Variants in YWHAE observed in about 807,000 individuals in gnomAD.
The protein encoded by YWHAE is 14-3-3 protein epsilon.
Under a neutral mutation model 30.1 loss-of-function variants are expected in YWHAE, and 4 were observed. That is an observed-to-expected ratio of 0.13 (90% CI 0.07 to 0.30). The LOEUF (loss-of-function observed/expected upper bound fraction) is 0.30, where lower values mean the gene tolerates loss of function less well. YWHAE is among the 10% of genes least tolerant of loss of function. The pLI, the probability that YWHAE is intolerant of heterozygous loss-of-function variation, is 1.00. For synonymous variants in YWHAE, 118 were observed against 111.8 expected (o/e 1.06, Z -0.35); for missense variants, 121 against 315.9 (o/e 0.38, Z 4.68).
At chr17:1,354,502 A>T (rs1170770173) in intron 4 of YWHAE, among the ~76,000 whole-genome samples, 155 bp from the exon 5 acceptor site, 1 of 152,190 alleles carries the variant, frequency 6.6e-6, no homozygotes, top group Non-Finnish European at 1.5e-5. Context: ...AATTAACTTA[A>T]AGGTATGTGG....
chr17:1,361,306 A>G lies in YWHAE; in HGVS notation c.372-8T>C. 1 of 1,536,990 alleles carries G rather than the reference A, an allele frequency of 6.5e-7. No individual in the cohort carries two copies. The highest frequency in any genetic ancestry group is 8.7e-7 in the Non-Finnish European group (1 of 1,154,902). On this transcript the variant is annotated splice_polypyrimidine_tract_variant and splice_region_variant and intron_variant, in intron 3 of 5. Coordinates refer to ENST00000264335, the MANE Select transcript of YWHAE (RefSeq NM_006761.5). ...CTGTGGTAGTCCCCTTTCCTAAAAC[A>G]AAACCAAAATTAAAAAAAAAAAAAA... is the stretch of plus-strand genomic sequence containing the variant.
Position 1,353,150 on chromosome 17 carries a change from A to G in YWHAE, c.715+1061T>C, listed in dbSNP as rs1351531505. Among the ~76,000 whole-genome samples, 158 of 152,208 alleles carry G rather than the reference A, an allele frequency of 1.0e-3. 1 individual carries two copies. Among genetic ancestry groups the G allele is most frequent in the Admixed American group, 0.01 (158 of 15,268 alleles). Reference sequence around the variant, plus strand: ...TTTGCAATGAAAACCTCTTAAGAATAAAAACAGGCCGGGCACGGTGGCTTG... The same window carrying G: ...TTTGCAATGAAAACCTCTTAAGAATGAAAACAGGCCGGGCACGGTGGCTTG... On this transcript the variant is annotated intron_variant, in intron 5 of 5. Transcript: ENST00000264335.
At chr17:1,380,889 C>T (rs1012252621) in intron 1 of YWHAE, among the ~76,000 whole-genome samples, 9 of 152,136 alleles carry the variant, frequency 5.9e-5, no homozygotes, top group African/African-American at 1.4e-4. Context: ...AAGTTTTCCC[C>T]GACAACTGCA....
intron 1 of YWHAE, among the ~76,000 whole-genome samples, chr17:1,388,141 TTA>T: frequency 8.6e-6 from 1 of 116,282 alleles, no homozygotes; most frequent in African/African-American, 3.5e-5. Flanking sequence ...TTTTTTTTTT[TTA>T]GTAGAGACGA....
Position 1,351,506 on chromosome 17 carries a change from C to T in YWHAE, c.715+2705G>A, listed in dbSNP as rs191941163. On this transcript the variant is annotated intron_variant, in intron 5 of 5. Transcript: ENST00000264335. ...GTGTATCATTTCCTGAAGTCAATCC[C>T]GCGCCCCAAACTCTCCGCATGCTTT... Among the ~76,000 whole-genome samples the T allele has an allele frequency of 1.6e-4, 24 of 151,828 alleles. No individual in the cohort carries two copies. In the East Asian group the frequency reaches 4.3e-3, roughly 27 times the overall value.
At position 1,344,609 on chromosome 17, in the gene YWHAE, C is replaced by T. The variant is rs1179585061; in HGVS notation, c.*838G>A. 4.5e-6 allele frequency: 1 copy of T among 223,604 alleles called. No individual in the cohort carries two copies. Among genetic ancestry groups the T allele is most frequent in the East Asian group, 6.4e-5 (1 of 15,546 alleles). 13.9% of individuals were successfully genotyped at this position (223,604 alleles called of 1,614,324 possible). A position where few individuals can be genotyped will look rare whatever the true frequency, so the allele number is the denominator to read the frequency against. ...ATTCCATGCTGTGTTTCAGTAAGAA[C>T]AATACAGATTCTGTATCTGTGGCTC... On this transcript the variant is annotated 3_prime_UTR_variant, in exon 6 of 6. Transcript: ENST00000264335.
At position 1,361,149 on chromosome 17, in the gene YWHAE, G is replaced by A. The variant is rs980884932; in HGVS notation, c.521C>T (p.Ala174Val). ...GTAGTAGAATACGGAAAAATTGAGAGCAAGACCTAAGCGAATAGGATGCGT... is the reference window on the plus strand; with the variant it reads ...GTAGTAGAATACGGAAAAATTGAGAACAAGACCTAAGCGAATAGGATGCGT... Reference protein sequence around the residue: ...PPTHPIRLGLALNFSVFYYEI... With the variant: ...PPTHPIRLGLVLNFSVFYYEI... The change falls in exon 4 of 6, where the codon GCT (alanine) becomes GTT (valine). Residue 174 changes from alanine to valine, a missense_variant. Ala to Val is a moderately conservative substitution (Grantham distance 64, BLOSUM62 0). Around this residue, in one of 2 missense-constraint regions of YWHAE, gnomAD observed 99 missense variants for 289.3 expected, o/e 0.34. Coordinates refer to ENST00000264335, the MANE Select transcript of YWHAE (RefSeq NM_006761.5). 6.2e-7 allele frequency: 1 copy of A among 1,613,992 alleles called. No individual in the cohort carries two copies. The highest frequency in any genetic ancestry group is 1.3e-5 in the African/African-American group (1 of 74,908).
intron 5 of YWHAE, 35 bp downstream of exon 5, chr17:1,354,176 G>C: frequency 6.2e-7 from 1 of 1,602,368 alleles, no homozygotes; most frequent in Non-Finnish European, 8.5e-7. Context: ...TCCTGCAACT[G>C]AAAGAGGTGC....
intron 1 of YWHAE, among the ~76,000 whole-genome samples, chr17:1,376,743 A>G (rs1469789054): frequency 6.6e-6 from 1 of 152,178 alleles, no homozygotes; most frequent in East Asian, 1.9e-4. Flanking sequence ...CAAAATCATA[A>G]AAGGAGCAGG....
intron 1 of YWHAE, 181 bp downstream of exon 1, chr17:1,399,866 C>T (rs1045602588): frequency 2.8e-6 from 2 of 716,298 alleles, no homozygotes; most frequent in Admixed American, 2.3e-5. Context: ...GAAGGGGTCA[C>T]ATTCCAGGGC....
At chr17:1,378,351 A>C (rs1274190776) in intron 1 of YWHAE, among the ~76,000 whole-genome samples, 2 of 151,758 alleles carry the variant, frequency 1.3e-5, no homozygotes, top group Non-Finnish European at 2.9e-5. Flanking sequence ...GGAATGAATA[A>C]AATTAGGCAA....
At chr17:1,385,698 C>G (rs1317846620) in intron 1 of YWHAE, among the ~76,000 whole-genome samples, 1 of 152,116 alleles carries the variant, frequency 6.6e-6, no homozygotes, top group East Asian at 1.9e-4. Context: ...TTTAATGGCT[C>G]CTATCCCAAT....
chr17:1,357,014 A>C (rs571900574), intron 4 of YWHAE, among the ~76,000 whole-genome samples: 39 of 151,890 alleles, frequency 2.6e-4, no homozygotes, highest in African/African-American at 9.2e-4. Flanking sequence ...TCACGCCTGT[A>C]ATCCCAGCAC....
chr17:1,350,994 G>A (rs923116667), intron 5 of YWHAE, among the ~76,000 whole-genome samples: 3 of 151,812 alleles, frequency 2.0e-5, no homozygotes, highest in Admixed American at 1.3e-4. Context: ...AGGAGGCAGA[G>A]GTTGCAGTGA....
At chr17:1,384,563 G>A (rs191218279) in intron 1 of YWHAE, among the ~76,000 whole-genome samples, 3 of 151,844 alleles carry the variant, frequency 2.0e-5, no homozygotes, top group African/African-American at 7.3e-5. Flanking sequence ...CATGGTGGCA[G>A]GCACCTGTAC....
intron 3 of YWHAE, 70 bp downstream of exon 3, chr17:1,361,832 T>C (rs982812508): frequency 2.5e-5 from 25 of 1,007,108 alleles, no homozygotes; most frequent in South Asian, 3.6e-5. Context: ...AAAACCTACA[T>C]AGAACAAAGT....
chr17:1,394,692 T>A (rs2073441301), intron 1 of YWHAE, among the ~76,000 whole-genome samples: 1 of 151,986 alleles, frequency 6.6e-6, no homozygotes, highest in African/African-American at 2.4e-5. Flanking sequence ...TTAGGCCAGG[T>A]ACAGTGGCTC....
chr17:1,395,116 G>A (rs1289352148), intron 1 of YWHAE, among the ~76,000 whole-genome samples: 1 of 151,638 alleles, frequency 6.6e-6, no homozygotes, highest in East Asian at 1.9e-4. Flanking sequence ...AATCAGGCCG[G>A]GTGTGGTGGC....
intron 1 of YWHAE, among the ~76,000 whole-genome samples, chr17:1,388,122 T>TTTG (rs1567983333): frequency 3.3e-5 from 2 of 61,436 alleles, no homozygotes; most frequent in Admixed American, 1.9e-4. Flanking sequence ...TGGTTGGTTT[T>TTTG]TTTTTTTTTT....
Sources: gnomAD v4.1 joint callset for allele counts (sites outside exome capture counted in the v4.1 genomes callset) on GRCh38, gnomAD v4.1.1 for gene constraint, gnomAD v4.1.1 regional missense constraint, MANE v1.5 for transcripts, NCBI Gene and HGNC (gene_info 2026-07-23, HGNC 2026-07-21) for gene names.